The following ADIPOQ variants were observed in gnomAD, a reference collection of about 807,000 sequenced individuals.
ADIPOQ encodes adiponectin.
ADIPOQ carries 19 observed loss-of-function variants against 16.1 expected under a neutral mutation model. The observed-to-expected ratio is 1.18, with a 90% CI of 0.82 to 1.73. ADIPOQ has a LOEUF of 1.73. Ranked by LOEUF, ADIPOQ falls within the 40% of genes most tolerant of loss-of-function variation. ADIPOQ has a pLI of 0.00. For synonymous variants in ADIPOQ, 124 were observed against 125.5 expected (o/e 0.99, Z 0.08); for missense variants, 323 against 308.3 (o/e 1.05, Z -0.36).
At chr3:186,844,212 A>G (rs1226333197) in intron 1 of ADIPOQ, among the ~76,000 whole-genome samples, 1 of 151,844 alleles carries the variant, frequency 6.6e-6, no homozygotes, top group Non-Finnish European at 1.5e-5. Flanking sequence ...TTTTGGCACA[A>G]TCTCAGCTCA....
Position 186,854,603 on chromosome 3 carries a change from T to A in ADIPOQ, c.634T>A (p.Trp212Arg). ...GCATCTGGAGGTGGGCGACCAAGTCTGGCTCCAGGTGTATGGGGAAGGAGA... is the reference window on the plus strand; with the variant it reads ...GCATCTGGAGGTGGGCGACCAAGTCAGGCTCCAGGTGTATGGGGAAGGAGA... ...LLHLEVGDQVWLQVYGEGERN... is the reference protein window; with the variant it reads ...LLHLEVGDQVRLQVYGEGERN... The change falls in exon 3 of 3, where the codon TGG becomes AGG. Residue 212 changes from tryptophan (W) to arginine (R), a missense_variant. Coordinates refer to ENST00000320741, the MANE Select transcript of ADIPOQ (RefSeq NM_004797.4). 1 of 1,614,100 alleles carries A rather than the reference T, an allele frequency of 6.2e-7. No homozygotes were observed. The highest frequency in any genetic ancestry group is 8.5e-7 in the Non-Finnish European group (1 of 1,179,950).
intron 1 of ADIPOQ, among the ~76,000 whole-genome samples, chr3:186,843,115 G>A (rs1377496936): frequency 6.6e-6 from 1 of 152,204 alleles, no homozygotes; most frequent in Admixed American, 6.5e-5. Context: ...TTGCCTCTTA[G>A]CTTGACCAGG....
chr3:186,847,524 T>C (rs1711609671), intron 1 of ADIPOQ, among the ~76,000 whole-genome samples: 1 of 152,252 alleles, frequency 6.6e-6, no homozygotes, highest in Non-Finnish European at 1.5e-5. Flanking sequence ...AAGGTCTGCC[T>C]GGACTTTTTA....
At chr3:186,845,380 A>C (rs11711059) in intron 1 of ADIPOQ, among the ~76,000 whole-genome samples, 53,268 of 151,480 alleles carry the variant, frequency 0.35, 9,843 homozygotes, top group Middle Eastern at 0.47. Context: ...TTTTATTTTT[A>C]TTTTTTTTGA....
At position 186,854,523 on chromosome 3, in the gene ADIPOQ, C is replaced by T. The variant is rs1711918404; in HGVS notation, c.554C>T (p.Thr185Ile). ...AAGAAGGACAAGGCTATGCTCTTCACCTATGATCAGTACCAGGAAAATAAT... is the reference window on the plus strand; with the variant it reads ...AAGAAGGACAAGGCTATGCTCTTCATCTATGATCAGTACCAGGAAAATAAT... ...LFKKDKAMLF[T>I]YDQYQENNVD... The change falls in exon 3 of 3, where the codon ACC becomes ATC. Residue 185 changes from threonine to isoleucine, a missense_variant. Coordinates refer to ENST00000320741, the MANE Select transcript of ADIPOQ (RefSeq NM_004797.4). The T allele has an allele frequency of 6.2e-7, 1 of 1,614,094 alleles. No individual in the cohort carries two copies. The highest frequency in any genetic ancestry group is 1.3e-5 in the African/African-American group (1 of 74,934).
chr3:186,847,212 T>C (rs1015542788), intron 1 of ADIPOQ, among the ~76,000 whole-genome samples: 5 of 152,250 alleles, frequency 3.3e-5, no homozygotes, highest in African/African-American at 1.2e-4. Flanking sequence ...GAACAAATGA[T>C]TTGTGCCTAA....
rs186490267 is a variant in ADIPOQ, at chr3:186,857,146, G to C, written c.*2442G>C. 85 of 152,354 alleles carry C rather than the reference G, an allele frequency of 5.6e-4. No individual in the cohort carries two copies. The highest frequency in any genetic ancestry group is 6.8e-3 in the Middle Eastern group (2 of 294). The allele number at this position is 152,354 out of a possible 1,614,324, so 9.4% of individuals were successfully genotyped here. Reference sequence around the variant, plus strand: ...TTTCTGGTGATGCCCAAAGAGGAGAGAGGAAGCTCTCTTTCCCAGATGCCC... The same window carrying C: ...TTTCTGGTGATGCCCAAAGAGGAGACAGGAAGCTCTCTTTCCCAGATGCCC... On this transcript the variant is annotated 3_prime_UTR_variant, in exon 3 of 3. Coordinates refer to ENST00000320741, the MANE Select transcript of ADIPOQ (RefSeq NM_004797.4).
chr3:186,858,423 G>A lies in ADIPOQ; in HGVS notation c.*3719G>A, dbSNP rs1712092943. 1 of 151,084 alleles carries A rather than the reference G, an allele frequency of 6.6e-6. No individual in the cohort carries two copies. Among genetic ancestry groups the A allele is most frequent in the Admixed American group, 6.6e-5 (1 of 15,158 alleles). The allele number at this position is 151,084 out of a possible 1,614,324, so 9.4% of individuals were successfully genotyped here. A position where few individuals can be genotyped will look rare whatever the true frequency, so the allele number is the denominator to read the frequency against. On this transcript the variant is annotated 3_prime_UTR_variant, in exon 3 of 3. Transcript: ENST00000320741. ...TCTAAAAATATCTGTCTTTTAATTG[G>A]TGTTTAGACAATTTATATTTAATAA...
At chr3:186,850,599 A>G (rs1408197341) in intron 1 of ADIPOQ, among the ~76,000 whole-genome samples, 1 of 152,146 alleles carries the variant, frequency 6.6e-6, no homozygotes, top group East Asian at 1.9e-4. Flanking sequence ...AAATCAAAGT[A>G]TAATTTCTTA....
chr3:186,853,763 A>T, intron 2 of ADIPOQ: 1 of 222,186 alleles, frequency 4.5e-6, no homozygotes, highest in Non-Finnish European at 8.9e-6. Context: ...TGGAGCATAG[A>T]GAAAATATAC....
At chr3:186,844,109 G>C (rs1711516073) in intron 1 of ADIPOQ, among the ~76,000 whole-genome samples, 1 of 152,206 alleles carries the variant, frequency 6.6e-6, no homozygotes, top group Non-Finnish European at 1.5e-5. Flanking sequence ...GATGGTGTCA[G>C]CTTTGTTCAT....
chr3:186,854,155 G>A, intron 2 of ADIPOQ, 29 bp from the exon 3 acceptor site: 1 of 1,608,344 alleles, frequency 6.2e-7, no homozygotes, highest in Non-Finnish European at 8.5e-7. Context: ...TCTGTTCTTT[G>A]TAGTCACTGA....
intron 1 of ADIPOQ, among the ~76,000 whole-genome samples, chr3:186,843,684 A>T (rs1273589166): frequency 6.6e-6 from 1 of 151,848 alleles, no homozygotes; most frequent in African/African-American, 2.4e-5. Context: ...AAAGAAAGAA[A>T]AGAAAAAGAG....
intron 1 of ADIPOQ, among the ~76,000 whole-genome samples, chr3:186,851,478 C>A (rs986983105): frequency 6.6e-6 from 1 of 151,978 alleles, no homozygotes; most frequent in African/African-American, 2.4e-5. Flanking sequence ...CTGTATTGGG[C>A]CCTTTTCTGG....
At chr3:186,845,938 T>A (rs1202307842) in intron 1 of ADIPOQ, among the ~76,000 whole-genome samples, 1 of 152,160 alleles carries the variant, frequency 6.6e-6, no homozygotes, top group African/African-American at 2.4e-5. Context: ...CTCCGTGTAG[T>A]GCTTTTTCGG....
In ADIPOQ at chr3:186,856,909, T is replaced by C. The variant is rs1407294588; in HGVS notation, c.*2205T>C. The C allele has an allele frequency of 6.6e-6, 1 of 151,822 alleles. No individual in the cohort carries two copies. The highest frequency in any genetic ancestry group is 2.4e-5 in the African/African-American group (1 of 41,324). The allele number at this position is 151,822 out of a possible 1,614,324, so 9.4% of individuals were successfully genotyped here. ...CTTTGCATAATAGAAATTACCAGAG[T>C]TGTTCTGTCTTTAGATAAGGTTTGA... On this transcript the variant is annotated 3_prime_UTR_variant, in exon 3 of 3. Coordinates refer to ENST00000320741, the MANE Select transcript of ADIPOQ (RefSeq NM_004797.4).
At chr3:186,847,226 C>T (rs951318846) in intron 1 of ADIPOQ, among the ~76,000 whole-genome samples, 1 of 152,212 alleles carries the variant, frequency 6.6e-6, no homozygotes, top group Non-Finnish European at 1.5e-5. Flanking sequence ...TGCCTAAGCA[C>T]CAAGACCGTA....
rs1184573040 is a variant in ADIPOQ, at chr3:186,856,608, T to A, written c.*1904T>A. ...CTGGGACCACAGGTGCCTACCACCA[T>A]GCCAGGCTAATTTTTGTATTTTTAG... On this transcript the variant is annotated 3_prime_UTR_variant, in exon 3 of 3. Transcript: ENST00000320741. The A allele has an allele frequency of 1.3e-5, 2 of 152,098 alleles. No individual in the cohort carries two copies. The highest frequency in any genetic ancestry group is 4.8e-5 in the African/African-American group (2 of 41,396). The allele number at this position is 152,098 out of a possible 1,614,324, so 9.4% of individuals were successfully genotyped here.
In ADIPOQ at chr3:186,854,859, C is replaced by A. The variant is rs1711936651; in HGVS notation, c.*155C>A. On this transcript the variant is annotated 3_prime_UTR_variant, in exon 3 of 3. Coordinates refer to ENST00000320741, the MANE Select transcript of ADIPOQ (RefSeq NM_004797.4). Reference sequence around the variant, plus strand: ...ATTTATTCATTCATTCATCGAGTAACTTTAAAAAAATCATATGCTATGTTC... The same window carrying A: ...ATTTATTCATTCATTCATCGAGTAAATTTAAAAAAATCATATGCTATGTTC... The A allele has an allele frequency of 4.5e-6, 5 of 1,107,104 alleles. No individual in the cohort carries two copies. Among genetic ancestry groups the A allele is most frequent in the Non-Finnish European group, 6.5e-6 (5 of 769,680 alleles). 68.6% of individuals were successfully genotyped at this position (1,107,104 alleles called of 1,614,324 possible). A position where few individuals can be genotyped will look rare whatever the true frequency, so the allele number is the denominator to read the frequency against.
Sources: gnomAD v4.1 joint callset for allele counts (sites outside exome capture counted in the v4.1 genomes callset) on GRCh38, gnomAD v4.1.1 for gene constraint, MANE v1.5 for transcripts, NCBI Gene and HGNC (gene_info 2026-07-23, HGNC 2026-07-21) for gene names.